MSI2: variants seen among roughly 807,000 people sequenced by gnomAD.
MSI2 encodes the protein musashi RNA binding protein 2.
A neutral mutation model predicts 45.6 loss-of-function variants in MSI2; 17 were observed. The ratio of observed to expected loss-of-function variants is 0.37; its 90% CI spans 0.26 to 0.56. The LOEUF is 0.56. Among genes scored for constraint, MSI2 ranks in the 20% least tolerant of loss-of-function variants. The pLI is 0.77. For missense variants in MSI2, 293 were observed against 444.2 expected (o/e 0.66, Z 3.06); for synonymous variants, 156 against 158.2 (o/e 0.99, Z 0.11).
At chr17:57,592,031 G>C (rs1904878350) in intron 7 of MSI2, among the ~76,000 whole-genome samples, 1 of 151,950 alleles carries the variant, frequency 6.6e-6, no homozygotes. Context: ...AATTAGCCGG[G>C]TGCGGTGGCG....
intron 6 of MSI2, among the ~76,000 whole-genome samples, chr17:57,510,190 G>C (rs2086321466): frequency 6.6e-6 from 1 of 151,992 alleles, no homozygotes; most frequent in South Asian, 2.1e-4. Context: ...TGGGTTTTCT[G>C]CAGGCCTCTT....
chr17:57,419,377 T>TG (rs563454681), intron 6 of MSI2, among the ~76,000 whole-genome samples: 2 of 151,954 alleles, frequency 1.3e-5, no homozygotes, highest in African/African-American at 4.8e-5. Flanking sequence ...CTTTTTTTTT[T>TG]TTTGAGATGG....
chr17:57,288,207 A>G (rs1429880332), intron 5 of MSI2, among the ~76,000 whole-genome samples: 1 of 152,228 alleles, frequency 6.6e-6, no homozygotes, highest in Admixed American at 6.5e-5. Context: ...CTCTGGGAAC[A>G]GACAGAACTT....
At chr17:57,619,455 A>C (rs1162294079) in intron 9 of MSI2, among the ~76,000 whole-genome samples, 6 of 152,228 alleles carry the variant, frequency 3.9e-5, no homozygotes, top group Admixed American at 2.0e-4. Flanking sequence ...TGAGGAGTGG[A>C]AGCCAGTCTT....
intron 5 of MSI2, among the ~76,000 whole-genome samples, chr17:57,369,552 G>GCA (rs1278526282): frequency 1.3e-5 from 2 of 152,308 alleles, no homozygotes; most frequent in Admixed American, 6.5e-5. Flanking sequence ...ATTCCATGGG[G>GCA]CACACACTTT....
At chr17:57,426,658 G>A (rs2084497883) in intron 6 of MSI2, among the ~76,000 whole-genome samples, 1 of 152,182 alleles carries the variant, frequency 6.6e-6, no homozygotes, top group South Asian at 2.1e-4. Flanking sequence ...ACTGTGCCGT[G>A]ACAGTGTCCC....
intron 7 of MSI2, among the ~76,000 whole-genome samples, chr17:57,563,969 C>T (rs1190412325): frequency 6.6e-6 from 1 of 152,302 alleles, no homozygotes; most frequent in Non-Finnish European, 1.5e-5. Context: ...CCAGAATGGG[C>T]CTGGGCACCT....
At chr17:57,315,738 C>A (rs1400960693) in intron 5 of MSI2, among the ~76,000 whole-genome samples, 1 of 152,112 alleles carries the variant, frequency 6.6e-6, no homozygotes, top group Non-Finnish European at 1.5e-5. Flanking sequence ...GGTCACATGG[C>A]CCACAACTTT....
At chr17:57,483,535 A>G (rs277074) in intron 6 of MSI2, among the ~76,000 whole-genome samples, 67,213 of 151,964 alleles carry the variant, frequency 0.44, 16,084 homozygotes, top group South Asian at 0.66. Flanking sequence ...CACTGCTGCC[A>G]GGTACTGCGG....
At chr17:57,382,024 G>A (rs940613829) in intron 5 of MSI2, among the ~76,000 whole-genome samples, 3 of 152,208 alleles carry the variant, frequency 2.0e-5, no homozygotes, top group Admixed American at 6.5e-5. Flanking sequence ...AGTGATAATA[G>A]GAAGCAGAAT....
chr17:57,598,855 G>T (rs1905538161), intron 8 of MSI2, among the ~76,000 whole-genome samples: 3 of 152,180 alleles, frequency 2.0e-5, no homozygotes, highest in Non-Finnish European at 4.4e-5. Context: ...TAGAGACGGG[G>T]TTTCACCATG....
chr17:57,393,723 C>T (rs2083837908), intron 5 of MSI2, among the ~76,000 whole-genome samples: 1 of 151,944 alleles, frequency 6.6e-6, no homozygotes, highest in Non-Finnish European at 1.5e-5. Context: ...CTCTTGTCAC[C>T]CAGGCTGGAG....
chr17:57,540,826 G>T (rs1278932012), intron 7 of MSI2, among the ~76,000 whole-genome samples: 1 of 152,232 alleles, frequency 6.6e-6, no homozygotes, highest in African/African-American at 2.4e-5. Flanking sequence ...ATAAGTTTCT[G>T]TTGTTTTAAG....
rs116128885 is a variant in MSI2 at position 57,324,178 on chromosome 17, C to T, written c.312+61986C>T. Reference sequence around the variant, plus strand: ...AAAACAATTTTTTTCCCTCATTTTGCGGGTGGAGTCTGAGGCCTTGGAGGA... The same window carrying T: ...AAAACAATTTTTTTCCCTCATTTTGTGGGTGGAGTCTGAGGCCTTGGAGGA... On this transcript the variant is annotated intron_variant, in intron 5 of 13. Transcript: ENST00000284073. Among the ~76,000 whole-genome samples, 541 of 152,214 alleles carry T rather than the reference C, an allele frequency of 3.6e-3. 7 individuals carry two copies. Among genetic ancestry groups the T allele is most frequent in the African/African-American group, 0.012 (505 of 41,512 alleles).
rs1186539178 is a variant in MSI2 at position 57,678,495 on chromosome 17, G to A, written c.*32-1054G>A. The stretch of plus-strand genomic sequence containing the variant: ...AGACTGAAGATGGCTCCAGCCCTTT[G>A]TGGAGTCAGATGAAGAGGGGGTTAA... On this transcript the variant is annotated intron_variant, in intron 13 of 13. Transcript: ENST00000284073. Among the ~76,000 whole-genome samples, 3 of 152,220 alleles carry A rather than the reference G, an allele frequency of 2.0e-5. No homozygotes were observed. In the East Asian group the frequency reaches 5.8e-4, roughly 29 times the overall value.
chr17:57,258,298 C>G lies in MSI2; in HGVS notation c.214C>G (p.Pro72Ala), dbSNP rs773475724. 6 of 1,614,108 alleles carry G rather than the reference C, an allele frequency of 3.7e-6. No individual in the cohort carries two copies. The highest frequency in any genetic ancestry group is 5.1e-6 in the Non-Finnish European group (6 of 1,180,014). ...RGFGFVTFAD[P>A]ASVDKVLGQP... ...CTTCGGTTTCGTCACGTTCGCAGAC[C>G]CAGCAAGTGTAGATAAAGTATTAGG... is the stretch of plus-strand genomic sequence containing the variant. The change falls in exon 4 of 14, where the codon CCA becomes GCA. Residue 72 changes from proline (P) to alanine (A), a missense_variant. Transcript: ENST00000284073.
At chr17:57,536,942 G>A (rs2086933090) in intron 7 of MSI2, among the ~76,000 whole-genome samples, 1 of 152,156 alleles carries the variant, frequency 6.6e-6, no homozygotes, top group Non-Finnish European at 1.5e-5. Context: ...GTTTAAGAAA[G>A]ACATTGACCA....
chr17:57,548,252 G>A (rs562152215), intron 7 of MSI2, among the ~76,000 whole-genome samples: 46 of 152,196 alleles, frequency 3.0e-4, no homozygotes, highest in African/African-American at 9.2e-4. Flanking sequence ...GTACAGAGGG[G>A]CTTACCCTTT....
intron 6 of MSI2, among the ~76,000 whole-genome samples, chr17:57,472,012 G>A (rs1325919185): frequency 1.3e-5 from 2 of 152,208 alleles, no homozygotes; most frequent in Non-Finnish European, 2.9e-5. Flanking sequence ...GAGGACGGCA[G>A]AGCTGAGATG....
Sources: gnomAD v4.1 joint callset for allele counts (sites outside exome capture counted in the v4.1 genomes callset) on GRCh38, gnomAD v4.1.1 for gene constraint, MANE v1.5 for transcripts, NCBI Gene and HGNC (gene_info 2026-07-23, HGNC 2026-07-21) for gene names.